The following CCNB3 variants were observed in gnomAD, a reference collection of about 807,000 sequenced individuals.
The protein encoded by CCNB3 is cyclin B3.
Under a neutral mutation model 68.0 loss-of-function variants are expected in CCNB3, and 12 were observed. The observed-to-expected ratio is 0.18, with a 90% CI of 0.11 to 0.29. The LOEUF is 0.29. Ranked by LOEUF, CCNB3 falls within the 10% of genes least tolerant of loss-of-function variation. CCNB3 has a pLI of 1.00. For missense variants in CCNB3, 904 were observed against 993.1 expected (o/e 0.91, Z 1.21); for synonymous variants, 354 against 388.9 (o/e 0.91, Z 1.06).
At chrX:50,213,763 TC>T (rs1373053735) in intron 1 of CCNB3, among the ~76,000 whole-genome samples, 63 of 111,907 alleles carry the variant, frequency 5.6e-4, no homozygotes, top group African/African-American at 2.0e-3. Flanking sequence ...TTCATCCATT[TC>T]TTTTAAGTTG....
chrX:50,325,214 C>T (rs1271681503), intron 8 of CCNB3, among the ~76,000 whole-genome samples: 1 of 111,437 alleles, frequency 9.0e-6, no homozygotes, highest in African/African-American at 3.3e-5. Context: ...TTAATTTCTC[C>T]TGGCATTTCT....
chrX:50,348,584 A>G (rs782580872), intron 11 of CCNB3, among the ~76,000 whole-genome samples: 1 of 112,249 alleles, frequency 8.9e-6, no homozygotes, highest in Non-Finnish European at 1.9e-5. Flanking sequence ...CATTCAATAA[A>G]TGATAGTGAT....
At chrX:50,338,056 C>T (rs1922941602) in intron 8 of CCNB3, among the ~76,000 whole-genome samples, 1 of 111,974 alleles carries the variant, frequency 8.9e-6, no homozygotes, top group Non-Finnish European at 1.9e-5. Context: ...TGCATTGATC[C>T]TCCACAGGCA....
chrX:50,335,515 G>A (rs1426920583), intron 8 of CCNB3, among the ~76,000 whole-genome samples: 4 of 111,321 alleles, frequency 3.6e-5, no homozygotes, highest in African/African-American at 1.3e-4. Context: ...AATTCCAAAG[G>A]CTTTCAAGTG....
At chrX:50,328,910 A>T (rs1922433933) in intron 8 of CCNB3, among the ~76,000 whole-genome samples, 1 of 112,765 alleles carries the variant, frequency 8.9e-6, no homozygotes, top group Non-Finnish European at 1.9e-5. Flanking sequence ...GTAGGGTTTA[A>T]ATCTCAAGCC....
chrX:50,343,241 A>AT (rs1185799214), intron 9 of CCNB3, among the ~76,000 whole-genome samples: 4 of 108,688 alleles, frequency 3.7e-5, no homozygotes, highest in East Asian at 2.9e-4. Flanking sequence ...TTGTGTCTTC[A>AT]TTTTTTTTTA....
chrX:50,336,502 A>G (rs371125783), intron 8 of CCNB3, among the ~76,000 whole-genome samples: 21 of 111,618 alleles, frequency 1.9e-4, no homozygotes, highest in East Asian at 1.7e-3. Context: ...TGTTTCTGCA[A>G]TTTTCTCCTG....
Position 50,309,282 on chromosome X carries a change from G to A in CCNB3, c.1113G>A (p.Lys371=), listed in dbSNP as rs782597059. The A allele has an allele frequency of 3.3e-6, 4 of 1,211,448 alleles. No homozygotes were observed. The highest frequency in any genetic ancestry group is 4.5e-6 in the Non-Finnish European group (4 of 895,271). The change falls in exon 6 of 13, where the codon AAG becomes AAA. Residue 371 remains lysine, a synonymous_variant. Coordinates refer to ENST00000376042, the MANE Select transcript of CCNB3 (RefSeq NM_033031.3). ...TTAAGGAGTCGTTAGCCTTTAAGAA[G>A]AAGCCTAGCACTGAGGAGGCAATCA... ...SLVKESLAFK[K]KPSTEEAIMM...
rs1557221241 is a variant in CCNB3 at position 50,351,750 on chromosome X, C to T, written c.*47C>T. The T allele has an allele frequency of 1.0e-6, 1 of 968,639 alleles. No individual in the cohort carries two copies. 79.8% of individuals were successfully genotyped at this position (968,639 alleles called of 1,213,427 possible). On this transcript the variant is annotated 3_prime_UTR_variant, in exon 13 of 13. Transcript: ENST00000376042. ...TGCATGTTAACAGGGTATATTTATT[C>T]TATGTTCGAATTTGTCTTTTGATCG...
At chrX:50,225,863 T>A (rs905890638) in intron 1 of CCNB3, among the ~76,000 whole-genome samples, 1 of 104,300 alleles carries the variant, frequency 9.6e-6, no homozygotes, top group African/African-American at 3.5e-5. Context: ...AGATGTGGAG[T>A]AGTAATTTGG....
At chrX:50,225,863 T>C (rs905890638) in intron 1 of CCNB3, among the ~76,000 whole-genome samples, 1 of 104,300 alleles carries the variant, frequency 9.6e-6, no homozygotes, top group Non-Finnish European at 2.0e-5. Context: ...AGATGTGGAG[T>C]AGTAATTTGG....
At chrX:50,302,412 T>C (rs1228802734) in intron 5 of CCNB3, among the ~76,000 whole-genome samples, 3 of 112,279 alleles carry the variant, frequency 2.7e-5, no homozygotes, top group Non-Finnish European at 5.6e-5. Flanking sequence ...GAGCTCACTG[T>C]GATCACAGAA....
intron 5 of CCNB3, among the ~76,000 whole-genome samples, chrX:50,302,719 G>T (rs1220217243): frequency 9.0e-6 from 1 of 111,644 alleles, no homozygotes; most frequent in African/African-American, 3.2e-5. Flanking sequence ...ACAATGTGTG[G>T]TCTTTTGTGT....
chrX:50,294,822 TC>T (rs1936419610), intron 4 of CCNB3, 40 bp from the exon 5 acceptor site: 7 of 1,165,960 alleles, frequency 6.0e-6, no homozygotes, highest in African/African-American at 1.8e-5. Context: ...TTTTCTTGCC[TC>T]CTTCTTCCCC....
At position 50,348,284 on chromosome X, in the gene CCNB3, C is replaced by G. The variant is rs113532960; in HGVS notation, c.3960+509C>G. On this transcript the variant is annotated intron_variant, in intron 11 of 12. Coordinates refer to ENST00000376042, the MANE Select transcript of CCNB3 (RefSeq NM_033031.3). ...AAGAAGGCTCTCAAAGCCTCCTGCTCCAATACAAATAAAACTCATATTTGA... is the reference window on the plus strand; with the variant it reads ...AAGAAGGCTCTCAAAGCCTCCTGCTGCAATACAAATAAAACTCATATTTGA... Among the ~76,000 whole-genome samples, 497 of 112,124 alleles carry G rather than the reference C, an allele frequency of 4.4e-3. 4 individuals carry two copies. The highest frequency in any genetic ancestry group is 0.015 in the African/African-American group (474 of 30,825).
chrX:50,328,271 C>T (rs949162210), intron 8 of CCNB3, among the ~76,000 whole-genome samples: 33 of 111,912 alleles, frequency 2.9e-4, no homozygotes, highest in Admixed American at 2.2e-3. Context: ...TACTTGAGAC[C>T]GGGTAATGTA....
chrX:50,214,056 G>T (rs1268462984), intron 1 of CCNB3, among the ~76,000 whole-genome samples: 1 of 110,795 alleles, frequency 9.0e-6, no homozygotes, highest in Non-Finnish European at 1.9e-5. Context: ...TGTTTTCTTG[G>T]CAAGAACACT....
In CCNB3 at chrX:50,308,602, A is replaced by G; in HGVS notation, c.433A>G (p.Thr145Ala). Residue 145 changes from threonine to alanine, a missense_variant, in exon 6 of 13, where the codon ACA becomes GCA. Transcript: ENST00000376042. Reference protein sequence around the residue: ...LILDISTTSKTPNTEEASLFR... With the variant: ...LILDISTTSKAPNTEEASLFR... Reference sequence around the variant, plus strand: ...TCTAGACATATCCACCACCTCCAAAACACCCAACACTGAGGAGGCATCTCT... The same window carrying G: ...TCTAGACATATCCACCACCTCCAAAGCACCCAACACTGAGGAGGCATCTCT... The G allele has an allele frequency of 8.3e-7, 1 of 1,208,282 alleles. No homozygotes were observed. Among genetic ancestry groups the G allele is most frequent in the Non-Finnish European group, 1.1e-6 (1 of 892,373 alleles).
rs782801587 is a variant in CCNB3 at position 50,309,399 on chromosome X, G to T, written c.1230G>T (p.Glu410Asp). 1.7e-6 allele frequency: 2 copies of T among 1,209,499 alleles called. No individual in the cohort carries two copies. The highest frequency in any genetic ancestry group is 3.5e-5 in the African/African-American group (2 of 57,012). ...PLVLQEITSG[E>D]KSLIMKPLSI... ...TATTGCAGGAGATCACCTCTGGAGA[G>T]AAGTCGCTCATTATGAAGCCATTGT... The change falls in exon 6 of 13, where the codon GAG becomes GAT. Residue 410 changes from glutamate to aspartate, a missense_variant. By Grantham distance (45) the Glu-to-Asp change is conservative (BLOSUM62 2). Coordinates refer to ENST00000376042, the MANE Select transcript of CCNB3 (RefSeq NM_033031.3).
Sources: allele counts gnomAD v4.1 joint callset (sites outside exome capture counted in the v4.1 genomes callset), GRCh38; gene constraint gnomAD v4.1.1; transcripts MANE v1.5; gene names NCBI Gene and HGNC (gene_info 2026-07-23, HGNC 2026-07-21).